Variants in SLC44A5 observed in about 807,000 individuals in gnomAD.
SLC44A5 encodes choline transporter-like protein 5.
SLC44A5 carries 57 observed loss-of-function variants against 101.8 expected under a neutral mutation model. The observed-to-expected ratio is 0.56, with a 90% CI of 0.45 to 0.70. The LOEUF is 0.70. Ranked by LOEUF, SLC44A5 falls within the 30% of genes least tolerant of loss-of-function variation. The pLI is 0.00. For missense variants in SLC44A5, 737 were observed against 853.1 expected (o/e 0.86, Z 1.70); for synonymous variants, 281 against 290.9 (o/e 0.97, Z 0.35).
chr1:75,532,808 G>C (rs563425803), intron 2 of SLC44A5, among the ~76,000 whole-genome samples: 1 of 152,256 alleles, frequency 6.6e-6, no homozygotes, highest in South Asian at 2.1e-4. Context: ...GGGAGGCCAA[G>C]GTGGGCAGAT....
At chr1:75,706,401 T>C in the SLC44A5 span, among the ~76,000 whole-genome samples, 1 of 152,182 alleles carries the variant, frequency 6.6e-6, no homozygotes, top group Admixed American at 6.5e-5. Context: ...TATACTTCAA[T>C]TTAAAAATTA....
At chr1:75,481,799 T>C (rs1318312325) in intron 2 of SLC44A5, among the ~76,000 whole-genome samples, 1 of 152,184 alleles carries the variant, frequency 6.6e-6, no homozygotes, top group African/African-American at 2.4e-5. Flanking sequence ...ACTTTTACAC[T>C]ATTGGTGGGA....
intron 2 of SLC44A5, among the ~76,000 whole-genome samples, chr1:75,406,438 T>A (rs1662872266): frequency 6.6e-6 from 1 of 152,170 alleles, no homozygotes. Context: ...AGTATCCTGA[T>A]GAACATCGAT....
intron 6 of SLC44A5, among the ~76,000 whole-genome samples, chr1:75,252,423 T>G (rs2100651745): frequency 6.6e-6 from 1 of 152,312 alleles, no homozygotes; most frequent in Non-Finnish European, 1.5e-5. Flanking sequence ...TTTAATCACT[T>G]CTACCTGCTT....
chr1:75,284,267 T>C (rs1432274005), intron 5 of SLC44A5, among the ~76,000 whole-genome samples: 1 of 152,168 alleles, frequency 6.6e-6, no homozygotes, highest in Non-Finnish European at 1.5e-5. Context: ...GCAGTTATTA[T>C]AAAAGGGATT....
the SLC44A5 span, among the ~76,000 whole-genome samples, chr1:75,661,861 G>A: frequency 6.6e-6 from 1 of 152,046 alleles, no homozygotes; most frequent in African/African-American, 2.4e-5. Context: ...TGATGGTAAG[G>A]TTACAGAGGA....
At chr1:75,475,679 G>A (rs148315254) in intron 2 of SLC44A5, among the ~76,000 whole-genome samples, 1 of 152,212 alleles carries the variant, frequency 6.6e-6, no homozygotes, top group East Asian at 1.9e-4. Context: ...TACCCATAAT[G>A]GAAACATTAC....
intron 3 of SLC44A5, among the ~76,000 whole-genome samples, chr1:75,354,256 G>T (rs1431560794): frequency 2.0e-5 from 3 of 152,152 alleles, no homozygotes; most frequent in Non-Finnish European, 2.9e-5. Flanking sequence ...GGGTGTTCTA[G>T]GCATTCTGCA....
At chr1:75,326,440 G>A (rs1428866458) in intron 4 of SLC44A5, among the ~76,000 whole-genome samples, 4 of 151,880 alleles carry the variant, frequency 2.6e-5, no homozygotes, top group African/African-American at 9.7e-5. Flanking sequence ...TCACAGTTTA[G>A]TAATTAACAG....
chr1:75,321,612 A>G (rs2100961571), intron 4 of SLC44A5, among the ~76,000 whole-genome samples: 1 of 152,308 alleles, frequency 6.6e-6, no homozygotes, highest in African/African-American at 2.4e-5. Context: ...TTCAACACGT[A>G]TATTTTGGGG....
At chr1:75,245,775 G>A (rs1243716752) in intron 7 of SLC44A5, among the ~76,000 whole-genome samples, 1 of 152,068 alleles carries the variant, frequency 6.6e-6, no homozygotes, top group Non-Finnish European at 1.5e-5. Flanking sequence ...CAAATGAGCT[G>A]TTAAAAAACA....
At chr1:75,581,232 A>T (rs1186593395) in intron 1 of SLC44A5, among the ~76,000 whole-genome samples, 2 of 152,192 alleles carry the variant, frequency 1.3e-5, no homozygotes, top group African/African-American at 4.8e-5. Context: ...ATCTTAAAAA[A>T]CTGGAGGTGG....
chr1:75,241,001 T>C (rs1018550461), intron 9 of SLC44A5, among the ~76,000 whole-genome samples: 3 of 152,020 alleles, frequency 2.0e-5, no homozygotes, highest in African/African-American at 7.2e-5. Flanking sequence ...CATTATAACA[T>C]ATACATGCAT....
At chr1:75,323,557 T>G (rs1269960747) in intron 4 of SLC44A5, among the ~76,000 whole-genome samples, 1 of 152,198 alleles carries the variant, frequency 6.6e-6, no homozygotes, top group Middle Eastern at 3.2e-3. Context: ...TGAACTAGTT[T>G]ACAGTCCCAC....
intron 3 of SLC44A5, among the ~76,000 whole-genome samples, chr1:75,347,518 A>G (rs1210904926): frequency 2.0e-5 from 3 of 152,164 alleles, no homozygotes; most frequent in African/African-American, 7.2e-5. Context: ...ACGATCTCTC[A>G]CCAATGGGTC....
chr1:75,394,963 T>C (rs1662033041), intron 3 of SLC44A5, among the ~76,000 whole-genome samples: 1 of 151,942 alleles, frequency 6.6e-6, no homozygotes, highest in African/African-American at 2.4e-5. Context: ...CTCAGCAGAG[T>C]TATCCCAGTA....
intron 3 of SLC44A5, among the ~76,000 whole-genome samples, chr1:75,393,594 G>A (rs1047630020): frequency 8.5e-5 from 13 of 152,144 alleles, no homozygotes; most frequent in African/African-American, 3.1e-4. Flanking sequence ...TGATAATTAT[G>A]TACTATAAAT....
chr1:75,366,053 T>C (rs1056483976), intron 3 of SLC44A5, among the ~76,000 whole-genome samples: 1 of 152,248 alleles, frequency 6.6e-6, no homozygotes, highest in East Asian at 1.9e-4. Flanking sequence ...TTTTTTCTTT[T>C]ATACTAGAGT....
At position 75,339,649 on chromosome 1, in the gene SLC44A5, C is replaced by T. The variant is rs369547026; in HGVS notation, c.53-19G>A. 3.1e-6 allele frequency: 5 copies of T among 1,598,324 alleles called. No homozygotes were observed. The highest frequency in any genetic ancestry group is 1.7e-4 in the Middle Eastern group (1 of 5,980). ...GGATCACCTGCATTTAAAACAAAGACATTTTAAGCATATAAGCCAGCAAAT... is the reference window on the plus strand; with the variant it reads ...GGATCACCTGCATTTAAAACAAAGATATTTTAAGCATATAAGCCAGCAAAT... On this transcript the variant is annotated intron_variant, in intron 3 of 23. Transcript: ENST00000370859.
Sources: gnomAD v4.1 joint callset for allele counts (sites outside exome capture counted in the v4.1 genomes callset) on GRCh38, gnomAD v4.1.1 for gene constraint, MANE v1.5 for transcripts, NCBI Gene and HGNC (gene_info 2026-07-23, HGNC 2026-07-21) for gene names.